PCSK6: variants seen among roughly 807,000 people sequenced by gnomAD.
PCSK6 encodes paired basic amino acid cleaving enzyme 4.
Under a neutral mutation model 123.3 loss-of-function variants are expected in PCSK6, and 85 were observed. The ratio of observed to expected loss-of-function variants is 0.69; its 90% CI spans 0.58 to 0.83. The LOEUF (loss-of-function observed/expected upper bound fraction) is 0.83, where lower values mean the gene tolerates loss of function less well. Among genes scored for constraint, PCSK6 ranks in the 40% least tolerant of loss-of-function variants. The probability of loss-of-function intolerance (pLI) is 0.00; values close to 1 mark genes in which losing one functional copy is unlikely to be tolerated. For synonymous variants in PCSK6, 508 were observed against 516.0 expected, an observed-to-expected ratio of 0.98 and a Z score of 0.21; for missense variants, 1,191 against 1,282.3, an observed-to-expected ratio of 0.93 and a Z score of 1.09.
At position 101,305,026 on chromosome 15, in the gene PCSK6, G is replaced by A; in HGVS notation, c.*232C>T. Reference sequence around the variant, plus strand: ...GAATTCATTTTGTTCCTGTTAGTTTGTCGGAAGACTGGAGCCAACAAGCAG... The same window carrying A: ...GAATTCATTTTGTTCCTGTTAGTTTATCGGAAGACTGGAGCCAACAAGCAG... On this transcript the variant is annotated 3_prime_UTR_variant, in exon 22 of 22. Transcript: ENST00000611716. The surrounding 1 kb of genome is among the most constrained non-coding windows in gnomAD (Gnocchi z 4.8). 5.7e-6 allele frequency: 3 copies of A among 521,984 alleles called. No homozygotes were observed. The highest frequency in any genetic ancestry group is 1.0e-5 in the Non-Finnish European group (3 of 292,230). 32.3% of individuals were successfully genotyped at this position (521,984 alleles called of 1,614,324 possible).
intron 1 of PCSK6, among the ~76,000 whole-genome samples, chr15:101,472,273 T>A (rs998389482): frequency 4.6e-5 from 7 of 152,214 alleles, no homozygotes; most frequent in South Asian, 2.1e-4. Flanking sequence ...GAAATCAAAC[T>A]GGGCTCAACG....
intron 1 of PCSK6, among the ~76,000 whole-genome samples, chr15:101,485,383 C>T (rs28570569): frequency 0.08 from 12,215 of 152,064 alleles, 1,287 homozygotes; most frequent in African/African-American, 0.24. Flanking sequence ...TCTATTCTTG[C>T]TTTTTAACTC....
At chr15:101,432,152 T>A in intron 2 of PCSK6, 52 bp from the exon 3 acceptor site, 1 of 1,463,394 alleles carries the variant, frequency 6.8e-7, no homozygotes, top group Non-Finnish European at 9.4e-7. Context: ...TTCTTGATTT[T>A]ATGTAGCCTC....
chr15:101,384,129 G>A lies in PCSK6; in HGVS notation c.1414+193C>T, dbSNP rs1406333766. ...GACCCCAGACTCTTGTGACCTGAGG[G>A]TTCTTCCGTAATGTCACTGTGAGCT... On this transcript the variant is annotated intron_variant, in intron 10 of 21. Coordinates refer to ENST00000611716, the MANE Select transcript of PCSK6 (RefSeq NM_002570.5). 16 of 1,386,880 alleles carry A rather than the reference G, an allele frequency of 1.2e-5. No individual in the cohort carries two copies. In the Admixed American group the frequency reaches 4.3e-4, roughly 37 times the overall value. 85.9% of individuals were successfully genotyped at this position (1,386,880 alleles called of 1,614,324 possible).
intron 1 of PCSK6, among the ~76,000 whole-genome samples, chr15:101,466,994 T>A (rs1458836577): frequency 6.6e-6 from 1 of 152,176 alleles, no homozygotes; most frequent in African/African-American, 2.4e-5. Flanking sequence ...GATAGGTGCA[T>A]CCTATGTGAA....
chr15:101,346,699 G>A, intron 13 of PCSK6: 1 of 1,168,776 alleles, frequency 8.6e-7, no homozygotes, highest in Non-Finnish European at 1.1e-6. Context: ...GGGGTTTCAA[G>A]AGAGCTCTCC....
intron 3 of PCSK6, 178 bp from the exon 4 acceptor site, chr15:101,431,641 C>T (rs1365537643): frequency 2.6e-5 from 20 of 773,668 alleles, no homozygotes; most frequent in South Asian, 1.1e-4. Context: ...ATCATGCAGA[C>T]GGCTCCCTTG....
intron 13 of PCSK6, among the ~76,000 whole-genome samples, chr15:101,335,477 G>C (rs140022696): frequency 3.0e-4 from 46 of 152,274 alleles, no homozygotes; most frequent in African/African-American, 1.1e-3. Context: ...TGCATATGAC[G>C]AAGTCTCCCT....
chr15:101,412,231 C>T (rs115091658), intron 6 of PCSK6, among the ~76,000 whole-genome samples: 1 of 152,242 alleles, frequency 6.6e-6, no homozygotes, highest in South Asian at 2.1e-4. Flanking sequence ...GGTATAGCCT[C>T]ATAACATAAT....
chr15:101,326,351 C>G, intron 16 of PCSK6, 26 bp downstream of exon 16: 2 of 1,539,826 alleles, frequency 1.3e-6, no homozygotes, highest in Non-Finnish European at 1.8e-6. Context: ...GAGTGGTGAG[C>G]CACAGGGCTG....
At chr15:101,350,244 T>C (rs2040855114) in intron 13 of PCSK6, among the ~76,000 whole-genome samples, 1 of 152,232 alleles carries the variant, frequency 6.6e-6, no homozygotes, top group Non-Finnish European at 1.5e-5. Flanking sequence ...AAATGTTGAC[T>C]ATCTTGTGTT....
chr15:101,337,944 C>T (rs2040520214), intron 13 of PCSK6, among the ~76,000 whole-genome samples: 1 of 152,150 alleles, frequency 6.6e-6, no homozygotes, highest in South Asian at 2.1e-4. Context: ...ATAAATCTGA[C>T]AGAAATATTA....
intron 1 of PCSK6, among the ~76,000 whole-genome samples, chr15:101,468,215 G>A (rs2057513563): frequency 6.6e-6 from 1 of 152,126 alleles, no homozygotes; most frequent in African/African-American, 2.4e-5. Flanking sequence ...TTAGCAGTAA[G>A]TAGTAAATGA....
chr15:101,489,210 C>CA (rs2058099766), intron 1 of PCSK6, among the ~76,000 whole-genome samples, 164 bp downstream of exon 1: 1 of 61,412 alleles, frequency 1.6e-5, no homozygotes, highest in East Asian at 5.9e-4. Flanking sequence ...GCGACACCCC[C>CA]CCCCGCAGGG....
intron 6 of PCSK6, among the ~76,000 whole-genome samples, chr15:101,422,303 T>C (rs2056107720): frequency 6.6e-6 from 1 of 152,196 alleles, no homozygotes; most frequent in Non-Finnish European, 1.5e-5. Context: ...AACCCTGAAG[T>C]ATACATGGGC....
intron 6 of PCSK6, among the ~76,000 whole-genome samples, chr15:101,420,440 G>A (rs28650071): frequency 0.025 from 3,725 of 151,990 alleles, 150 homozygotes; most frequent in African/African-American, 0.085. Flanking sequence ...GGCTCACTGC[G>A]GCCTCGACCT....
Position 101,372,202 on chromosome 15 carries a change from C to T in PCSK6, c.1533-1679G>A, listed in dbSNP as rs114908190. 4.0e-3 allele frequency among the ~76,000 whole-genome samples: 611 copies of T among 152,274 alleles called. 4 individuals are homozygous for T. Among genetic ancestry groups the T allele is most frequent in the African/African-American group, 0.014 (580 of 41,544 alleles). ...ATGGCATTCTTCAGTGCAGACCCAC[C>T]GCCGCCCAGCAGCACATTAATAACT... On this transcript the variant is annotated intron_variant, in intron 11 of 21. Transcript: ENST00000611716.
At chr15:101,415,416 A>C (rs985783953) in intron 6 of PCSK6, among the ~76,000 whole-genome samples, 3 of 152,252 alleles carry the variant, frequency 2.0e-5, no homozygotes, top group Admixed American at 6.5e-5. Context: ...AGAGCTTCTA[A>C]GCTTTCATAG....
intron 1 of PCSK6, among the ~76,000 whole-genome samples, chr15:101,460,370 G>A (rs1460028493): frequency 6.6e-6 from 1 of 152,080 alleles, no homozygotes; most frequent in Non-Finnish European, 1.5e-5. Context: ...CCTCTACCCA[G>A]GCCCCCTGCC....
Sources: gnomAD v4.1 joint callset for allele counts (sites outside exome capture counted in the v4.1 genomes callset) on GRCh38, gnomAD v4.1.1 for gene constraint, Gnocchi (gnomAD v3.1) non-coding constraint, MANE v1.5 for transcripts, NCBI Gene and HGNC (gene_info 2026-07-23, HGNC 2026-07-21) for gene names.